TDRD12: variants seen among roughly 807,000 people sequenced by gnomAD.
The protein encoded by TDRD12 is putative ATP-dependent RNA helicase TDRD12.
TDRD12 carries 158 observed loss-of-function variants against 133.5 expected under a neutral mutation model. The ratio of observed to expected loss-of-function variants is 1.18; its 90% CI spans 1.04 to 1.35. The LOEUF is 1.35. Ranked by LOEUF, TDRD12 falls within the 40% of genes most tolerant of loss-of-function variation. The pLI is 0.00. For synonymous variants in TDRD12, 460 were observed against 477.9 expected (o/e 0.96, Z 0.49); for missense variants, 1,443 against 1,321.3 (o/e 1.09, Z -1.43).
chr19:32,756,303 T>C, intron 7 of TDRD12, 122 bp downstream of exon 7: 1 of 837,018 alleles, frequency 1.2e-6, no homozygotes, highest in Non-Finnish European at 1.7e-6. Flanking sequence ...CTGTTTAAAG[T>C]TTAATCCTGA....
rs192176508 is a variant in TDRD12, at chr19:32,815,796, C to T, written c.3314+176C>T. Among the ~76,000 whole-genome samples the T allele has an allele frequency of 2.6e-5, 4 of 152,276 alleles. No individual in the cohort carries two copies. The East Asian group carries it at 7.7e-4, about 29-fold the overall frequency. On this transcript the variant is annotated intron_variant, in intron 26 of 27. Transcript: ENST00000444215. ...GGCTCACGAGGTCAGGAGATCAAGA[C>T]CATCCTGGCCAACATGGTGAAACCC...
chr19:32,821,371 TGTG>T, downstream of TDRD12: 2 of 139,946 alleles, frequency 1.4e-5, no homozygotes, highest in Non-Finnish European at 1.3e-5. Context: ...CTCAGCAGAG[TGTG>T]TGTGTGTGTG....
chr19:32,776,736 GA>G (rs1970595947), intron 10 of TDRD12, among the ~76,000 whole-genome samples: 1 of 152,204 alleles, frequency 6.6e-6, no homozygotes, highest in African/African-American at 2.4e-5. Flanking sequence ...ACCACCACCA[GA>G]AGTGTCAGAA....
In TDRD12 at chr19:32,791,033, A is replaced by G. The variant is rs1437683035; in HGVS notation, c.1252A>G (p.Ile418Val). ...GAACAAGATCAAGCCCTGCTTAACC[A>G]TTGACTCGTCGCCGCTGTCAGCAGA... The change falls in exon 13 of 28, where the codon ATT (isoleucine) becomes GTT (valine). Residue 418 changes from isoleucine (I) to valine (V), a missense_variant. Ile to Val is a conservative substitution (Grantham distance 29). Coordinates refer to ENST00000444215, the Ensembl canonical transcript of TDRD12. The G allele has an allele frequency of 2.0e-6, 3 of 1,536,132 alleles. No homozygotes were observed. In the East Asian group the frequency reaches 7.3e-5, roughly 38 times the overall value.
intron 8 of TDRD12, among the ~76,000 whole-genome samples, chr19:32,766,640 A>T (rs1305111003): frequency 1.3e-5 from 2 of 150,930 alleles, no homozygotes; most frequent in Non-Finnish European, 2.9e-5. Context: ...TTTGAGACAG[A>T]GTCTCGCTCT....
chr19:32,817,119 C>T (rs1408458244), intron 26 of TDRD12, among the ~76,000 whole-genome samples: 3 of 152,126 alleles, frequency 2.0e-5, no homozygotes, highest in South Asian at 2.1e-4. Flanking sequence ...TGTGTTTTAT[C>T]GTGGCAAAAT....
chr19:32,756,284 A>T, intron 7 of TDRD12, 103 bp downstream of exon 7: 6 of 988,274 alleles, frequency 6.1e-6, no homozygotes, highest in Non-Finnish European at 8.2e-6. Context: ...GGAGACAAAG[A>T]CTTGGACTCT....
At chr19:32,733,895 A>ATT (rs61612791) in intron 2 of TDRD12, among the ~76,000 whole-genome samples, 7,115 of 142,362 alleles carry the variant, frequency 0.05, 308 homozygotes, top group East Asian at 0.23. Flanking sequence ...TAATTAATTA[A>ATT]TTTTTTTTTT....
At chr19:32,775,802 G>A (rs137984326) in intron 10 of TDRD12, among the ~76,000 whole-genome samples, 5 of 152,196 alleles carry the variant, frequency 3.3e-5, no homozygotes, top group East Asian at 1.9e-4. Flanking sequence ...GCTGATTGTC[G>A]TTTCCCTTGG....
intron 9 of TDRD12, 82 bp downstream of exon 32, chr19:32,826,831 G>A: frequency 1.1e-6 from 1 of 909,724 alleles, no homozygotes. Flanking sequence ...TAGGAATTCA[G>A]CCTTGGTGGA....
chr19:32,800,725 A>G (rs1237214756), exon 18 of TDRD12: 1 of 1,535,862 alleles, frequency 6.5e-7, no homozygotes. Flanking sequence ...GGCACAAAAG[A>G]CCTTGATCTT....
At chr19:32,741,613 A>T (rs544832046) in intron 3 of TDRD12, among the ~76,000 whole-genome samples, 1 of 152,344 alleles carries the variant, frequency 6.6e-6, no homozygotes, top group East Asian at 1.9e-4. Context: ...ATGATTAAAT[A>T]GAGCTTCAGG....
At chr19:32,802,589 G>A (rs183187956) in intron 19 of TDRD12, 67 bp from the exon 20 acceptor site, 4 of 1,500,316 alleles carry the variant, frequency 2.7e-6, no homozygotes, top group Admixed American at 2.0e-5. Context: ...GTGGCCGTGG[G>A]AACTGCCGGT....
At chr19:32,775,432 G>T (rs1379153596) in intron 10 of TDRD12, among the ~76,000 whole-genome samples, 2 of 152,270 alleles carry the variant, frequency 1.3e-5, no homozygotes, top group East Asian at 3.9e-4. Context: ...CTGGGCTTAA[G>T]CGATCCTCCG....
chr19:32,733,825 A>T (rs2145442473), intron 2 of TDRD12, among the ~76,000 whole-genome samples: 1 of 150,876 alleles, frequency 6.6e-6, no homozygotes, highest in Non-Finnish European at 1.5e-5. Flanking sequence ...ATCTCTTAAG[A>T]CTGTTTGATT....
intron 1 of TDRD12, among the ~76,000 whole-genome samples, chr19:32,729,221 G>GTTT (rs551149308): frequency 1.7e-5 from 2 of 120,806 alleles, no homozygotes; most frequent in Non-Finnish European, 3.6e-5. Context: ...TTTTTTTTTT[G>GTTT]TTTTTTTTTT....
chr19:32,731,812 G>T (rs1308514622), exon 2 of TDRD12: 2 of 1,551,370 alleles, frequency 1.3e-6, no homozygotes, highest in Non-Finnish European at 1.7e-6. Flanking sequence ...ATTAAATAGT[G>T]CCATGAATGA....
At chr19:32,763,624 G>A (rs768734203) in intron 8 of TDRD12, among the ~76,000 whole-genome samples, 15 of 152,160 alleles carry the variant, frequency 9.9e-5, no homozygotes, top group Non-Finnish European at 2.1e-4. Flanking sequence ...CCCTCTTCCT[G>A]TCGAAGCACG....
At chr19:32,779,067 T>C (rs1333576666) in intron 11 of TDRD12, among the ~76,000 whole-genome samples, 1 of 152,148 alleles carries the variant, frequency 6.6e-6, no homozygotes, top group Non-Finnish European at 1.5e-5. Context: ...CTGCACTGCG[T>C]CCAAAGCCTG....
Sources: gnomAD v4.1 joint callset for allele counts (sites outside exome capture counted in the v4.1 genomes callset) on GRCh38, gnomAD v4.1.1 for gene constraint, MANE v1.5 for transcripts, NCBI Gene and HGNC (gene_info 2026-07-23, HGNC 2026-07-21) for gene names.